The following COPS3 variants were observed in gnomAD, a reference collection of about 807,000 sequenced individuals.
COPS3 encodes COP9 signalosome subunit 3.
A neutral mutation model predicts 58.2 loss-of-function variants in COPS3; 10 were observed. The ratio of observed to expected loss-of-function variants is 0.17; its 90% CI spans 0.11 to 0.29. The LOEUF (loss-of-function observed/expected upper bound fraction) is 0.29, where lower values mean the gene tolerates loss of function less well. Ranked by LOEUF, COPS3 falls within the 10% of genes least tolerant of loss-of-function variation. The pLI is 1.00. For synonymous variants in COPS3, 187 were observed against 181.7 expected (o/e 1.03, Z -0.24); for missense variants, 333 against 510.1 (o/e 0.65, Z 3.34).
At chr17:17,254,613 C>A (rs2047921154) in intron 9 of COPS3, among the ~76,000 whole-genome samples, 1 of 151,770 alleles carries the variant, frequency 6.6e-6, no homozygotes, top group African/African-American at 2.4e-5. Context: ...AGTTTGAGAC[C>A]AGCCTGACCA....
rs1242952453 is a variant in COPS3, at chr17:17,247,469, A to G, written c.1218+11T>C. 6.2e-7 allele frequency: 1 copy of G among 1,613,318 alleles called. No individual in the cohort carries two copies. The highest frequency in any genetic ancestry group is 8.5e-7 in the Non-Finnish European group (1 of 1,179,400). On this transcript the variant is annotated intron_variant, in intron 11 of 11. Coordinates refer to ENST00000268717, the MANE Select transcript of COPS3 (RefSeq NM_003653.4). The stretch of plus-strand genomic sequence containing the variant: ...CCAGCCTACTTCTTGTAATAAGGGA[A>G]CCCTCATCACCTTTTGTACAAACTG...
chr17:17,264,748 CT>C, intron 6 of COPS3, 53 bp downstream of exon 6: 8 of 1,519,644 alleles, frequency 5.3e-6, no homozygotes, highest in Admixed American at 2.1e-5. Flanking sequence ...TATGGGAGCA[CT>C]TTTTTGATCA....
At position 17,264,934 on chromosome 17, in the gene COPS3, G is replaced by A. The variant is rs773349158; in HGVS notation, c.489C>T (p.Asp163=). The A allele has an allele frequency of 3.5e-5, 56 of 1,613,154 alleles. No homozygotes were observed. Among genetic ancestry groups the A allele is most frequent in the Middle Eastern group, 1.6e-4 (1 of 6,068 alleles). The change falls in exon 6 of 12, where the codon GAC becomes GAT. Residue 163 remains aspartate (D), a synonymous_variant. Transcript: ENST00000268717. ...CTTTACAGATATCCATCATATCCACGTCAAGATATGGAAGGGCAGGCTTAA... is the reference window on the plus strand; with the variant it reads ...CTTTACAGATATCCATCATATCCACATCAAGATATGGAAGGGCAGGCTTAA... ...KCFKPALPYL[D]VDMMDICKEN... is the part of the protein sequence containing the mutation.
intron 10 of COPS3, among the ~76,000 whole-genome samples, chr17:17,248,324 G>GC (rs1567843632): frequency 6.6e-6 from 1 of 151,984 alleles, no homozygotes; most frequent in African/African-American, 2.4e-5. Flanking sequence ...AGAGAGTTTT[G>GC]TTTTTTTGAG....
At chr17:17,260,045 G>A (rs2048058644) in intron 8 of COPS3, among the ~76,000 whole-genome samples, 1 of 152,180 alleles carries the variant, frequency 6.6e-6, no homozygotes, top group South Asian at 2.1e-4. Context: ...GCCTTTCACT[G>A]TCTCCCAATG....
In COPS3 at chr17:17,262,009, T is replaced by C. The variant is rs1231794879; in HGVS notation, c.719A>G (p.Gln240Arg). The change falls in exon 7 of 12, where the codon CAG (glutamine) becomes CGG (arginine). Residue 240 changes from glutamine to arginine, a missense_variant. Transcript: ENST00000268717. ...VSLILLGKVQ[Q>R]LPKYTSQIVG... The stretch of plus-strand genomic sequence containing the variant: ...AATTTGAGATGTATATTTTGGTAGC[T>C]GTTGTACTTTGCCAAGTAATATCAA... 6.2e-7 allele frequency: 1 copy of C among 1,605,706 alleles called. No individual in the cohort carries two copies. The highest frequency in any genetic ancestry group is 1.1e-5 in the South Asian group (1 of 90,518).
At chr17:17,270,701 G>A in intron 4 of COPS3, 57 bp downstream of exon 4, 5 of 1,397,046 alleles carry the variant, frequency 3.6e-6, no homozygotes, top group Non-Finnish European at 5.0e-6. Flanking sequence ...GTAATTCATT[G>A]TGTAAGCTAG....
At chr17:17,252,176 G>C (rs12450055) in intron 9 of COPS3, among the ~76,000 whole-genome samples, 11 of 152,168 alleles carry the variant, frequency 7.2e-5, no homozygotes, top group African/African-American at 2.7e-4. Flanking sequence ...CCTTCTTCTA[G>C]GTGTTGGAAT....
At chr17:17,271,857 T>TATATAC (rs1206258950) in intron 2 of COPS3, among the ~76,000 whole-genome samples, 65 of 135,248 alleles carry the variant, frequency 4.8e-4, no homozygotes, top group African/African-American at 1.5e-3. Flanking sequence ...TATATATATA[T>TATATAC]ACACACATAC....
intron 9 of COPS3, among the ~76,000 whole-genome samples, chr17:17,249,897 G>A (rs1273719602): frequency 6.6e-6 from 1 of 152,158 alleles, no homozygotes; most frequent in Non-Finnish European, 1.5e-5. Context: ...CAAAATGCTG[G>A]GATTACAGGC....
chr17:17,267,210 C>T lies in COPS3; in HGVS notation c.441+675G>A, dbSNP rs1035012666. 2.0e-4 allele frequency among the ~76,000 whole-genome samples: 30 copies of T among 151,320 alleles called. 1 individual carries two copies. Among genetic ancestry groups the T allele is most frequent in the South Asian group, 4.2e-4 (2 of 4,796 alleles). ...AAAATTAGCCAGGCGTGATAGCGGG[C>T]GCCTGTAGTCCCAGCTACTCGGGAG... On this transcript the variant is annotated intron_variant, in intron 5 of 11. Transcript: ENST00000268717.
chr17:17,260,575 G>A (rs529852582), intron 7 of COPS3, 101 bp from the exon 8 acceptor site: 33 of 1,108,816 alleles, frequency 3.0e-5, no homozygotes, highest in Middle Eastern at 2.2e-4. Context: ...AGGCCGAGGC[G>A]GACAAATCAC....
chr17:17,276,917 T>C (rs1228169347), intron 1 of COPS3, among the ~76,000 whole-genome samples: 1 of 152,156 alleles, frequency 6.6e-6, no homozygotes, highest in Non-Finnish European at 1.5e-5. Flanking sequence ...CTATAAACTG[T>C]GCATTCAATC....
chr17:17,265,779 A>G (rs1270885744), intron 5 of COPS3, among the ~76,000 whole-genome samples: 1 of 152,232 alleles, frequency 6.6e-6, no homozygotes, highest in African/African-American at 2.4e-5. Flanking sequence ...TCTACAGACA[A>G]GACTCACTTA....
At chr17:17,251,226 C>T (rs916633388) in intron 9 of COPS3, among the ~76,000 whole-genome samples, 1 of 151,940 alleles carries the variant, frequency 6.6e-6, no homozygotes, top group African/African-American at 2.4e-5. Flanking sequence ...GATCTCCTGA[C>T]CTCATGATCT....
chr17:17,262,402 T>C (rs537583551), intron 6 of COPS3, among the ~76,000 whole-genome samples: 4 of 152,088 alleles, frequency 2.6e-5, no homozygotes, highest in African/African-American at 4.8e-5. Flanking sequence ...CCTGGGACTA[T>C]AGGAGTGGGC....
intron 6 of COPS3, 100 bp downstream of exon 6, chr17:17,264,702 G>T: frequency 1.1e-6 from 1 of 907,814 alleles, no homozygotes; most frequent in East Asian, 2.5e-5. Context: ...CACCTGAAAC[G>T]GAGGCCCTGG....
Position 17,276,049 on chromosome 17 carries a change from G to T in COPS3, c.171C>A (p.Gly57=), listed in dbSNP as rs748854402. ...GALDVQEHSL[G]VLAVLFVKFS... ...ATGCTCCTTACAAAACAGCAAGGAC[G>T]CCCAAGGAGTGTTCTTGTACATCCA... is the stretch of plus-strand genomic sequence containing the variant. The change falls in exon 2 of 12, where the codon GGC becomes GGA. Residue 57 remains glycine (G), a synonymous_variant. Coordinates refer to ENST00000268717, the MANE Select transcript of COPS3 (RefSeq NM_003653.4). The T allele has an allele frequency of 6.2e-7, 1 of 1,613,318 alleles. No homozygotes were observed. Among genetic ancestry groups the T allele is most frequent in the South Asian group, 1.1e-5 (1 of 90,990 alleles).
chr17:17,269,814 G>A (rs1234477981), intron 4 of COPS3, among the ~76,000 whole-genome samples: 4 of 152,050 alleles, frequency 2.6e-5, no homozygotes, highest in African/African-American at 4.8e-5. Context: ...CCTTTTCACT[G>A]GGGGAAAATC....
Sources: gnomAD v4.1 joint callset for allele counts (sites outside exome capture counted in the v4.1 genomes callset) on GRCh38, gnomAD v4.1.1 for gene constraint, MANE v1.5 for transcripts, NCBI Gene and HGNC (gene_info 2026-07-23, HGNC 2026-07-21) for gene names.